PELI2: variants seen among roughly 807,000 people sequenced by gnomAD.
PELI2 encodes the protein E3 ubiquitin-protein ligase pellino homolog 2.
Under a neutral mutation model 42.3 loss-of-function variants are expected in PELI2, and 23 were observed. The ratio of observed to expected loss-of-function variants is 0.54; its 90% CI spans 0.39 to 0.77. PELI2 has a LOEUF of 0.77. Ranked by LOEUF, PELI2 falls within the 30% of genes least tolerant of loss-of-function variation. The pLI is 0.00. For synonymous variants in PELI2, 245 were observed against 212.2 expected (o/e 1.15, Z -1.34); for missense variants, 463 against 553.2 (o/e 0.84, Z 1.64).
Position 56,178,526 on chromosome 14 carries a change from G to C in PELI2, c.207+62G>C, listed in dbSNP as rs191520707. The C allele has an allele frequency of 3.2e-6, 5 of 1,558,142 alleles. No homozygotes were observed. The African/African-American group carries it at 6.8e-5, about 21-fold the overall frequency. ...AAACAGTGACTCACAGATACTCCTT[G>C]TCCGCTGCTCTCTTTCCTTTCGTCT... On this transcript the variant is annotated intron_variant, in intron 2 of 5. Transcript: ENST00000267460.
At chr14:56,160,594 C>T (rs970934112) in intron 1 of PELI2, among the ~76,000 whole-genome samples, 18 of 152,108 alleles carry the variant, frequency 1.2e-4, no homozygotes, top group Non-Finnish European at 2.5e-4. Context: ...AAAAGGTTAC[C>T]TGAAAGTTAA....
At chr14:56,148,874 G>C (rs1884233087) in intron 1 of PELI2, among the ~76,000 whole-genome samples, 1 of 152,176 alleles carries the variant, frequency 6.6e-6, no homozygotes, top group Admixed American at 6.5e-5. Context: ...GATGAAGAGG[G>C]AAGAGGAGTC....
At chr14:56,129,620 C>A (rs759531336) in intron 1 of PELI2, among the ~76,000 whole-genome samples, 1 of 152,160 alleles carries the variant, frequency 6.6e-6, no homozygotes, top group Admixed American at 6.5e-5. Flanking sequence ...TGTGCTCTTT[C>A]CTGCATGGGA....
chr14:56,210,931 T>C (rs148549304), intron 2 of PELI2, among the ~76,000 whole-genome samples: 78 of 152,294 alleles, frequency 5.1e-4, no homozygotes, highest in African/African-American at 1.8e-3. Context: ...AAAATAACTT[T>C]TGAATAACTT....
chr14:56,245,192 A>G (rs920739247), intron 2 of PELI2, among the ~76,000 whole-genome samples: 4 of 152,216 alleles, frequency 2.6e-5, no homozygotes, highest in Admixed American at 6.5e-5. Flanking sequence ...TCCTTGGTGG[A>G]AATATCTGTA....
At chr14:56,177,335 G>A (rs1173820245) in intron 1 of PELI2, among the ~76,000 whole-genome samples, 2 of 152,202 alleles carry the variant, frequency 1.3e-5, no homozygotes, top group Non-Finnish European at 2.9e-5. Context: ...AGGGATCTGT[G>A]GGACAGGAAC....
At chr14:56,250,532 A>T (rs905062504) in intron 2 of PELI2, among the ~76,000 whole-genome samples, 6 of 152,188 alleles carry the variant, frequency 3.9e-5, no homozygotes, top group Admixed American at 1.3e-4. Flanking sequence ...ACCAAATGCC[A>T]TAGAGCCTCT....
At chr14:56,184,579 A>G (rs1885701160) in intron 2 of PELI2, among the ~76,000 whole-genome samples, 1 of 152,106 alleles carries the variant, frequency 6.6e-6, no homozygotes. Context: ...TTAAGCCAGA[A>G]ATGAAACAGA....
intron 2 of PELI2, among the ~76,000 whole-genome samples, chr14:56,207,395 A>G (rs555397451): frequency 9.2e-5 from 14 of 152,284 alleles, no homozygotes; most frequent in Non-Finnish European, 1.8e-4. Context: ...ACCAGATACT[A>G]TGGTAGCTAC....
intron 1 of PELI2, among the ~76,000 whole-genome samples, chr14:56,166,488 A>G (rs867788882): frequency 6.6e-5 from 10 of 152,240 alleles, no homozygotes; most frequent in Middle Eastern, 6.8e-3. Flanking sequence ...GTGATTATCT[A>G]TTGCTCATTA....
Position 56,297,915 on chromosome 14 carries a change from G to A in PELI2, c.*749G>A, listed in dbSNP as rs978361424. On this transcript the variant is annotated 3_prime_UTR_variant, in exon 6 of 6. Coordinates refer to ENST00000267460, the MANE Select transcript of PELI2 (RefSeq NM_021255.3). ...ATTTGCCCCGATACTCATCTTGCAC[G>A]GCCAGAACTGTTTGGTTGATTAAAA... 1.3e-5 allele frequency: 2 copies of A among 152,008 alleles called. No homozygotes were observed. Among genetic ancestry groups the A allele is most frequent in the East Asian group, 1.9e-4 (1 of 5,176 alleles). 9.4% of individuals were successfully genotyped at this position (152,008 alleles called of 1,614,324 possible). A position where few individuals can be genotyped will look rare whatever the true frequency, so the allele number is the denominator to read the frequency against.
chr14:56,143,820 G>A (rs1049355534), intron 1 of PELI2, among the ~76,000 whole-genome samples: 14 of 152,124 alleles, frequency 9.2e-5, no homozygotes, highest in African/African-American at 3.1e-4. Flanking sequence ...GATGTTTTAG[G>A]CTCACCTTGT....
intron 2 of PELI2, among the ~76,000 whole-genome samples, chr14:56,223,119 C>CA (rs552640221): frequency 7.4e-4 from 112 of 152,286 alleles, no homozygotes; most frequent in Middle Eastern, 6.8e-3. Flanking sequence ...TCCACCTCTA[C>CA]AGCCTGTGGC....
At chr14:56,189,414 T>G (rs1010782256) in intron 2 of PELI2, among the ~76,000 whole-genome samples, 6 of 152,198 alleles carry the variant, frequency 3.9e-5, no homozygotes, top group Non-Finnish European at 8.8e-5. Context: ...TCTTCAAGCT[T>G]CCGCCTGGAA....
At position 56,178,474 on chromosome 14, in the gene PELI2, T is replaced by A. The variant is rs1249336669; in HGVS notation, c.207+10T>A. ...GCCCCAGGCATCCAAGGTAGGTGGG[T>A]CTGTCAAGAGTTGGGAGGGTGCTGG... On this transcript the variant is annotated intron_variant, in intron 2 of 5. Coordinates refer to ENST00000267460, the MANE Select transcript of PELI2 (RefSeq NM_021255.3). The A allele has an allele frequency of 8.7e-6, 14 of 1,613,964 alleles. No homozygotes were observed. In the African/African-American group the frequency reaches 1.5e-4, roughly 17 times the overall value.
chr14:56,249,659 G>A (rs185931126), intron 2 of PELI2, among the ~76,000 whole-genome samples: 48 of 152,298 alleles, frequency 3.2e-4, no homozygotes, highest in African/African-American at 1.1e-3. Flanking sequence ...CCCTGAGGAG[G>A]CAATATGGGA....
chr14:56,237,225 G>C (rs919075817), intron 2 of PELI2, among the ~76,000 whole-genome samples: 9 of 152,108 alleles, frequency 5.9e-5, no homozygotes, highest in African/African-American at 2.2e-4. Flanking sequence ...TGTAGAATTG[G>C]TCAGAGTGCC....
chr14:56,280,424 AAAG>A (rs1476563294), intron 3 of PELI2, among the ~76,000 whole-genome samples: 5 of 152,136 alleles, frequency 3.3e-5, no homozygotes, highest in South Asian at 2.1e-4. Context: ...AATTTAAAAA[AAAG>A]AGAATTAATG....
At chr14:56,268,685 A>T (rs922844601) in intron 2 of PELI2, among the ~76,000 whole-genome samples, 5 of 152,178 alleles carry the variant, frequency 3.3e-5, no homozygotes, top group Admixed American at 2.6e-4. Context: ...TCCATCTCTT[A>T]TCAGGTGAGT....
Sources: allele counts gnomAD v4.1 joint callset (sites outside exome capture counted in the v4.1 genomes callset), GRCh38; gene constraint gnomAD v4.1.1; transcripts MANE v1.5; gene names NCBI Gene and HGNC (gene_info 2026-07-23, HGNC 2026-07-21).